Variants in C8orf34 observed in about 807,000 individuals in gnomAD.
The protein encoded by C8orf34 is uncharacterized protein C8orf34.
Under a neutral mutation model 68.3 loss-of-function variants are expected in C8orf34, and 65 were observed. The ratio of observed to expected loss-of-function variants is 0.95; its 90% CI spans 0.78 to 1.17. The LOEUF is 1.17. Ranked by LOEUF, C8orf34 falls within the 50% of genes most tolerant of loss-of-function variation. The probability of loss-of-function intolerance (pLI) is 0.00; values close to 1 mark genes in which losing one functional copy is unlikely to be tolerated. For missense variants in C8orf34, 664 were observed against 655.4 expected, an observed-to-expected ratio of 1.01 and a Z score of -0.14; for synonymous variants, 244 against 241.2, an observed-to-expected ratio of 1.01 and a Z score of -0.11.
chr8:68,396,259 AACTT>A (rs1418798425), intron 1 of C8orf34, among the ~76,000 whole-genome samples: 1 of 152,078 alleles, frequency 6.6e-6, no homozygotes, highest in Non-Finnish European at 1.5e-5. Context: ...TTGTTTATTG[AACTT>A]ACCAGCATGT....
chr8:68,644,781 G>C (rs1196325861), intron 8 of C8orf34, among the ~76,000 whole-genome samples: 2 of 152,172 alleles, frequency 1.3e-5, no homozygotes. Context: ...TCAGAATCCA[G>C]ACAGAGTGAG....
intron 10 of C8orf34, among the ~76,000 whole-genome samples, chr8:68,766,163 G>T (rs1438994153): frequency 6.6e-6 from 1 of 152,122 alleles, no homozygotes. Context: ...TTAAGTTAAG[G>T]AAATATGAGC....
chr8:68,608,444 A>G (rs1411028813), intron 7 of C8orf34, among the ~76,000 whole-genome samples: 1 of 152,002 alleles, frequency 6.6e-6, no homozygotes, highest in African/African-American at 2.4e-5. Context: ...CTGATGGCAA[A>G]GATGCAGATG....
intron 7 of C8orf34, among the ~76,000 whole-genome samples, chr8:68,582,798 T>C (rs1448416622): frequency 6.6e-6 from 1 of 152,082 alleles, no homozygotes; most frequent in Non-Finnish European, 1.5e-5. Context: ...TTAACATGCA[T>C]GTCACATACA....
chr8:68,373,774 A>T (rs1243037872), intron 1 of C8orf34, among the ~76,000 whole-genome samples: 1 of 152,364 alleles, frequency 6.6e-6, no homozygotes, highest in African/African-American at 2.4e-5. Context: ...CTCTTGGTAC[A>T]TCACATACTA....
At chr8:68,505,799 G>A (rs954788224) in intron 5 of C8orf34, among the ~76,000 whole-genome samples, 2 of 151,732 alleles carry the variant, frequency 1.3e-5, no homozygotes, top group African/African-American at 4.8e-5. Context: ...CAAGGGAGAG[G>A]TATTGAAGTT....
At position 68,432,955 on chromosome 8, in the gene C8orf34, C is replaced by T. The variant is rs117314637; in HGVS notation, c.328-6544C>T. Among the ~76,000 whole-genome samples the T allele has an allele frequency of 6.7e-3, 1,027 of 152,208 alleles. 13 individuals carry two copies. The highest frequency in any genetic ancestry group is 0.027 in the Middle Eastern group (8 of 294). The stretch of plus-strand genomic sequence containing the variant: ...AAAAGGCATGCATGGGCTATGAGTG[C>T]GGGTGGAAACCAAGTAGAATTTCAT... On this transcript the variant is annotated intron_variant, in intron 1 of 13. Transcript: ENST00000518698.
At chr8:68,543,635 A>T (rs1313266148) in intron 7 of C8orf34, among the ~76,000 whole-genome samples, 1 of 152,240 alleles carries the variant, frequency 6.6e-6, no homozygotes, top group East Asian at 1.9e-4. Flanking sequence ...GTTGGTACTC[A>T]GGAGTCAGAT....
chr8:68,770,365 G>A (rs1420412911), intron 10 of C8orf34, among the ~76,000 whole-genome samples: 2 of 152,178 alleles, frequency 1.3e-5, no homozygotes, highest in Non-Finnish European at 2.9e-5. Context: ...ACGTAATAGT[G>A]AAATAATATT....
chr8:68,408,265 A>T (rs1809287435), intron 1 of C8orf34, among the ~76,000 whole-genome samples: 2 of 151,748 alleles, frequency 1.3e-5, no homozygotes, highest in Non-Finnish European at 2.9e-5. Flanking sequence ...GGGACCATCT[A>T]GTTGCAGGAA....
chr8:68,702,308 A>G (rs1439801229), intron 8 of C8orf34, among the ~76,000 whole-genome samples: 1 of 152,132 alleles, frequency 6.6e-6, no homozygotes, highest in Non-Finnish European at 1.5e-5. Context: ...TTACCAATCC[A>G]AAGATGAATA....
At chr8:68,784,445 A>G (rs1005856851) in intron 11 of C8orf34, among the ~76,000 whole-genome samples, 1 of 152,070 alleles carries the variant, frequency 6.6e-6, no homozygotes, top group Non-Finnish European at 1.5e-5. Flanking sequence ...CTTCACTGTA[A>G]AGTTACTTTT....
At chr8:68,702,883 TTGTG>T (rs1585752941) in intron 8 of C8orf34, among the ~76,000 whole-genome samples, 1 of 152,158 alleles carries the variant, frequency 6.6e-6, no homozygotes, top group East Asian at 1.9e-4. Flanking sequence ...GATTCGGCTG[TTGTG>T]AGTGTATCTT....
At chr8:68,763,163 T>C (rs1823069490) in intron 10 of C8orf34, among the ~76,000 whole-genome samples, 1 of 152,214 alleles carries the variant, frequency 6.6e-6, no homozygotes, top group Admixed American at 6.5e-5. Flanking sequence ...TCCCAATGAA[T>C]GAATTTGTAA....
At chr8:68,459,339 C>T (rs913526162) in intron 3 of C8orf34, among the ~76,000 whole-genome samples, 2 of 152,120 alleles carry the variant, frequency 1.3e-5, no homozygotes, top group African/African-American at 4.8e-5. Context: ...AAGTGATTCT[C>T]CTGCCTCAGC....
At chr8:68,616,772 C>T (rs1025641337) in intron 7 of C8orf34, among the ~76,000 whole-genome samples, 28 of 151,934 alleles carry the variant, frequency 1.8e-4, no homozygotes, top group Non-Finnish European at 3.8e-4. Flanking sequence ...TTCTGTTGAT[C>T]TGGGGTGGAG....
intron 12 of C8orf34, among the ~76,000 whole-genome samples, chr8:68,807,981 T>C (rs1379820339): frequency 6.8e-6 from 1 of 147,880 alleles, no homozygotes; most frequent in Non-Finnish European, 1.5e-5. Context: ...ACAACTCCAC[T>C]TTTTTTTTTC....
At chr8:68,773,445 G>A (rs1823411131) in intron 10 of C8orf34, among the ~76,000 whole-genome samples, 2 of 152,060 alleles carry the variant, frequency 1.3e-5, no homozygotes, top group Non-Finnish European at 2.9e-5. Context: ...CCGTCGCCCA[G>A]GTTGGAGTGC....
At chr8:68,675,506 A>G (rs142722941) in intron 8 of C8orf34, among the ~76,000 whole-genome samples, 71 of 152,156 alleles carry the variant, frequency 4.7e-4, no homozygotes, top group African/African-American at 1.6e-3. Context: ...TCAGTGTCAA[A>G]TTGTCGAAAG....
Sources: gnomAD v4.1 joint callset for allele counts (sites outside exome capture counted in the v4.1 genomes callset) on GRCh38, gnomAD v4.1.1 for gene constraint, MANE v1.5 for transcripts, NCBI Gene and HGNC (gene_info 2026-07-23, HGNC 2026-07-21) for gene names.